Variants in DLG2 observed in about 807,000 individuals in gnomAD.
DLG2 encodes disks large homolog 2.
Under a neutral mutation model 132.5 loss-of-function variants are expected in DLG2, and 45 were observed. That is an observed-to-expected ratio of 0.34 (90% confidence interval 0.27 to 0.44). DLG2 has a LOEUF of 0.44. DLG2 is among the 20% of genes least tolerant of loss of function. DLG2 has a pLI of 1.00. For synonymous variants in DLG2, 424 were observed against 419.6 expected, an observed-to-expected ratio of 1.01 and a Z score of -0.13; for missense variants, 1,045 against 1,196.9, an observed-to-expected ratio of 0.87 and a Z score of 1.87.
intron 14 of DLG2, 125 bp from the exon 15 acceptor site, chr11:83,930,608 A>G (rs528207044): frequency 1.0e-6 from 1 of 985,216 alleles, no homozygotes; most frequent in South Asian, 1.9e-5. Flanking sequence ...ATTTGTTACT[A>G]AAAGAAACCC....
intron 3 of DLG2, among the ~76,000 whole-genome samples, chr11:85,456,478 C>G (rs2092426001): frequency 6.6e-6 from 1 of 152,114 alleles, no homozygotes; most frequent in Admixed American, 6.6e-5. Flanking sequence ...CAGTTCAGCT[C>G]TAATTTTGGT....
intron 9 of DLG2, among the ~76,000 whole-genome samples, chr11:84,152,816 T>G (rs553707174): frequency 6.6e-6 from 1 of 152,350 alleles, no homozygotes; most frequent in East Asian, 1.9e-4. Context: ...CTTGCCACTT[T>G]GTGCATTTTA....
intron 3 of DLG2, among the ~76,000 whole-genome samples, chr11:85,340,659 T>G (rs1251057110): frequency 6.6e-6 from 1 of 152,212 alleles, no homozygotes; most frequent in Non-Finnish European, 1.5e-5. Flanking sequence ...AGGTAAAATT[T>G]TTTTAAAAAG....
intron 6 of DLG2, among the ~76,000 whole-genome samples, chr11:84,700,563 T>C (rs760733759): frequency 3.3e-5 from 5 of 151,686 alleles, no homozygotes; most frequent in Non-Finnish European, 5.9e-5. Context: ...AAGAATGGCA[T>C]TGTATGGTAA....
intron 7 of DLG2, among the ~76,000 whole-genome samples, chr11:84,475,699 C>T (rs934190598): frequency 1.3e-5 from 2 of 152,056 alleles, no homozygotes; most frequent in African/African-American, 4.8e-5. Flanking sequence ...GCATTTAACT[C>T]TGGTAAATTG....
At chr11:85,139,891 C>T (rs2152428215) in intron 5 of DLG2, among the ~76,000 whole-genome samples, 1 of 152,004 alleles carries the variant, frequency 6.6e-6, no homozygotes, top group Middle Eastern at 3.4e-3. Flanking sequence ...TAGATAGATT[C>T]CACATATATG....
intron 7 of DLG2, among the ~76,000 whole-genome samples, chr11:84,486,519 A>G (rs541264700): frequency 6.6e-6 from 1 of 152,140 alleles, no homozygotes; most frequent in Non-Finnish European, 1.5e-5. Context: ...GATGTGAACC[A>G]CATATTAATT....
intron 7 of DLG2, among the ~76,000 whole-genome samples, chr11:84,425,317 A>T (rs941562972): frequency 1.3e-5 from 2 of 152,106 alleles, no homozygotes; most frequent in East Asian, 3.9e-4. Context: ...TGATTTTAAG[A>T]AACTGGAGAA....
chr11:85,552,544 A>T lies in DLG2; in HGVS notation c.40+46113T>A, dbSNP rs556342928. ...TAAATAATTATTCTTGATATTATTT[A>T]AAAAATAAAAGAAATACAGTTATAC... On this transcript the variant is annotated intron_variant, in intron 3 of 27. Transcript: ENST00000376104. 7.6e-4 allele frequency among the ~76,000 whole-genome samples: 115 copies of T among 151,474 alleles called. 1 individual carries two copies. The highest frequency in any genetic ancestry group is 1.4e-3 in the Non-Finnish European group (98 of 67,774).
chr11:84,849,529 G>C (rs969641636), intron 6 of DLG2, among the ~76,000 whole-genome samples: 1 of 151,690 alleles, frequency 6.6e-6, no homozygotes, highest in East Asian at 1.9e-4. Flanking sequence ...CCCTAACAAG[G>C]TGTTGTTGTT....
At chr11:84,656,997 T>C (rs2099689098) in intron 6 of DLG2, among the ~76,000 whole-genome samples, 2 of 152,154 alleles carry the variant, frequency 1.3e-5, no homozygotes, top group South Asian at 4.1e-4. Context: ...TCCTTAACCT[T>C]AACAACGATT....
At chr11:84,960,057 C>T (rs2052326918) in intron 6 of DLG2, among the ~76,000 whole-genome samples, 2 of 152,162 alleles carry the variant, frequency 1.3e-5, no homozygotes, top group African/African-American at 4.8e-5. Flanking sequence ...CATACCATCT[C>T]ATTTTAAAGA....
chr11:83,790,093 C>T, intron 17 of DLG2: 1 of 1,010,460 alleles, frequency 9.9e-7, no homozygotes. Context: ...AGTGTACCTG[C>T]ATGAACCGAG....
At chr11:85,023,743 A>G (rs2060280698) in intron 6 of DLG2, among the ~76,000 whole-genome samples, 1 of 152,128 alleles carries the variant, frequency 6.6e-6, no homozygotes, top group Non-Finnish European at 1.5e-5. Context: ...TATATAAGAT[A>G]TCATAGGATA....
intron 7 of DLG2, among the ~76,000 whole-genome samples, chr11:84,446,682 G>T (rs1335952608): frequency 6.6e-6 from 1 of 151,110 alleles, no homozygotes; most frequent in African/African-American, 2.4e-5. Flanking sequence ...TTGCTACCCT[G>T]GGCTGGTGAA....
intron 7 of DLG2, among the ~76,000 whole-genome samples, chr11:84,287,939 C>A (rs565573177): frequency 6.7e-6 from 1 of 149,308 alleles, no homozygotes; most frequent in African/African-American, 2.5e-5. Context: ...AATGAAAAAG[C>A]AAAGAAATGG....
chr11:83,665,508 T>G (rs143164907), intron 18 of DLG2, among the ~76,000 whole-genome samples: 1 of 152,242 alleles, frequency 6.6e-6, no homozygotes, highest in East Asian at 1.9e-4. Context: ...TTATCTCTTA[T>G]GTACTCTCCC....
intron 9 of DLG2, among the ~76,000 whole-genome samples, chr11:84,124,851 T>TTC (rs1555361362): frequency 6.7e-6 from 1 of 149,110 alleles, no homozygotes; most frequent in Non-Finnish European, 1.5e-5. Context: ...TTTTCACTTT[T>TTC]TTTTTTTTTT....
chr11:85,100,792 T>G (rs2152273404), intron 6 of DLG2, among the ~76,000 whole-genome samples: 1 of 152,240 alleles, frequency 6.6e-6, no homozygotes, highest in Non-Finnish European at 1.5e-5. Context: ...CTCTGAGAGT[T>G]TATATAAACT....
Sources: gnomAD v4.1 joint callset for allele counts (sites outside exome capture counted in the v4.1 genomes callset) on GRCh38, gnomAD v4.1.1 for gene constraint, MANE v1.5 for transcripts, NCBI Gene and HGNC (gene_info 2026-07-23, HGNC 2026-07-21) for gene names.